REDIC1: variants seen among roughly 807,000 people sequenced by gnomAD.
REDIC1 encodes HEI10 Interacting Protein 1.
chr12:39,694,496 A>G, the REDIC1 span, among the ~76,000 whole-genome samples: 2 of 152,182 alleles, frequency 1.3e-5, no homozygotes, highest in African/African-American at 2.4e-5. Flanking sequence ...GTTATAACAG[A>G]AAGCAAAATT....
At chr12:39,713,989 A>C in the REDIC1 span, among the ~76,000 whole-genome samples, 2 of 148,252 alleles carry the variant, frequency 1.3e-5, no homozygotes, top group African/African-American at 4.9e-5. Flanking sequence ...GTATATATAC[A>C]TGTATGTACA....
chr12:39,862,407 T>C, the REDIC1 span, among the ~76,000 whole-genome samples: 1,037 of 152,356 alleles, frequency 6.8e-3, 8 homozygotes, highest in Admixed American at 8.8e-3. Context: ...TATAGATTTC[T>C]ACAAGTGGAC....
At chr12:39,735,736 C>A in the REDIC1 span, among the ~76,000 whole-genome samples, 4 of 152,224 alleles carry the variant, frequency 2.6e-5, no homozygotes, top group African/African-American at 9.6e-5. Context: ...ATACAGGTAA[C>A]TATCCCTAAG....
the REDIC1 span, among the ~76,000 whole-genome samples, chr12:39,668,459 G>T: frequency 4.8e-4 from 73 of 152,254 alleles, no homozygotes; most frequent in African/African-American, 1.5e-3. Flanking sequence ...TGGGCTTCCC[G>T]TTGTGGGTAA....
chr12:39,647,787 T>C, the REDIC1 span: 1 of 1,496,876 alleles, frequency 6.7e-7, no homozygotes. Flanking sequence ...TCTTCTTTCC[T>C]ATAGTCACAA....
chr12:39,708,542 C>T, the REDIC1 span, among the ~76,000 whole-genome samples: 1 of 151,910 alleles, frequency 6.6e-6, no homozygotes, highest in East Asian at 1.9e-4. Flanking sequence ...TCTTCTAGTA[C>T]TAATATGCTT....
chr12:39,664,126 CAGGTTAGTTACATATGT>C, the REDIC1 span, among the ~76,000 whole-genome samples: 1 of 151,498 alleles, frequency 6.6e-6, no homozygotes, highest in South Asian at 2.1e-4. Flanking sequence ...GCACAATGTG[CAGGTTAGTTACATATGT>C]ATACATATGC....
chr12:39,670,670 C>G, the REDIC1 span, among the ~76,000 whole-genome samples: 2 of 151,602 alleles, frequency 1.3e-5, no homozygotes, highest in Non-Finnish European at 2.9e-5. Context: ...CTTCACCTTT[C>G]GGGATACTCA....
chr12:39,711,328 A>G, the REDIC1 span, among the ~76,000 whole-genome samples: 6 of 148,216 alleles, frequency 4.0e-5, no homozygotes, highest in Admixed American at 2.0e-4. Flanking sequence ...ATATATGTAT[A>G]GATCACATAT....
the REDIC1 span, among the ~76,000 whole-genome samples, chr12:39,694,856 G>A: frequency 2.0e-5 from 3 of 152,150 alleles, no homozygotes; most frequent in Non-Finnish European, 2.9e-5. Flanking sequence ...TCTGCTTGAG[G>A]AGAGGAGAAG....
chr12:39,898,451 G>T, the REDIC1 span, among the ~76,000 whole-genome samples: 1 of 152,102 alleles, frequency 6.6e-6, no homozygotes, highest in Non-Finnish European at 1.5e-5. Context: ...TCCATTTGGA[G>T]AATGACATAC....
chr12:39,853,170 C>G, the REDIC1 span, among the ~76,000 whole-genome samples: 1 of 152,150 alleles, frequency 6.6e-6, no homozygotes, highest in South Asian at 2.1e-4. Flanking sequence ...CCTAGTTACG[C>G]TCACAAAGAA....
At chr12:39,716,922 A>G in the REDIC1 span, 2 of 883,896 alleles carry the variant, frequency 2.3e-6, no homozygotes, top group Non-Finnish European at 3.1e-6. Context: ...ACCCTATAAA[A>G]CTGTTGAGTC....
chr12:39,742,062 G>A, the REDIC1 span, among the ~76,000 whole-genome samples: 4 of 152,084 alleles, frequency 2.6e-5, no homozygotes, highest in Non-Finnish European at 5.9e-5. Flanking sequence ...AAAATGGTGG[G>A]GGGTATAATG....
chr12:39,671,591 G>A, the REDIC1 span, among the ~76,000 whole-genome samples: 2 of 152,152 alleles, frequency 1.3e-5, no homozygotes, highest in African/African-American at 4.8e-5. Context: ...CAGTGTATGT[G>A]GTGTGGGTGA....
the REDIC1 span, among the ~76,000 whole-genome samples, chr12:39,675,774 A>G: frequency 6.6e-6 from 1 of 152,208 alleles, no homozygotes. Flanking sequence ...GGATCACCTC[A>G]TCACATCACA....
At chr12:39,729,300 C>G in the REDIC1 span, among the ~76,000 whole-genome samples, 2 of 151,260 alleles carry the variant, frequency 1.3e-5, no homozygotes, top group Non-Finnish European at 3.0e-5. Flanking sequence ...GCATTTAGTA[C>G]TATAAATTTC....
At chr12:39,665,734 C>T in the REDIC1 span, among the ~76,000 whole-genome samples, 2 of 151,370 alleles carry the variant, frequency 1.3e-5, no homozygotes, top group South Asian at 4.2e-4. Context: ...TTGTTTGTAT[C>T]CTCTTTTATT....
the REDIC1 span, among the ~76,000 whole-genome samples, chr12:39,635,048 ATCATTACTGG>A: frequency 1.3e-5 from 2 of 152,244 alleles, no homozygotes; most frequent in African/African-American, 4.8e-5. Flanking sequence ...AAAAATGCTT[ATCATTACTGG>A]TCATCAGAGA....
Sources: allele counts gnomAD v4.1 joint callset (sites outside exome capture counted in the v4.1 genomes callset), GRCh38; gene constraint gnomAD v4.1.1; transcripts MANE v1.5; gene names NCBI Gene and HGNC (gene_info 2026-07-23, HGNC 2026-07-21).